IPO8: variants seen among roughly 807,000 people sequenced by gnomAD.
The protein encoded by IPO8 is importin 8.
Under a neutral mutation model 141.2 loss-of-function variants are expected in IPO8, and 65 were observed. That is an observed-to-expected ratio of 0.46 (90% CI 0.38 to 0.57). The LOEUF is 0.57. Among genes scored for constraint, IPO8 ranks in the 20% least tolerant of loss-of-function variants. The probability of loss-of-function intolerance (pLI) is 0.00; values close to 1 mark genes in which losing one functional copy is unlikely to be tolerated. For synonymous variants in IPO8, 411 were observed against 420.3 expected (o/e 0.98, Z 0.27); for missense variants, 980 against 1,246.8 (o/e 0.79, Z 3.22).
intron 10 of IPO8, 50 bp from the exon 11 acceptor site, chr12:30,666,301 T>C (rs2052964969): frequency 2.2e-6 from 3 of 1,356,632 alleles, no homozygotes; most frequent in Non-Finnish European, 3.1e-6. Context: ...TAATTACTTA[T>C]TCTAGATTTT....
chr12:30,644,902 C>G (rs889498222), intron 20 of IPO8, among the ~76,000 whole-genome samples: 16 of 151,764 alleles, frequency 1.1e-4, no homozygotes, highest in African/African-American at 3.9e-4. Flanking sequence ...ATCCACCCGC[C>G]TCAGCCTCCC....
intron 20 of IPO8, among the ~76,000 whole-genome samples, chr12:30,646,727 C>T (rs1012537286): frequency 1.3e-5 from 2 of 151,824 alleles, no homozygotes; most frequent in Admixed American, 6.6e-5. Flanking sequence ...TTTACAATAG[C>T]GTCAAAAAGA....
intron 22 of IPO8, among the ~76,000 whole-genome samples, chr12:30,636,090 A>G (rs772636398): frequency 6.6e-5 from 10 of 152,112 alleles, no homozygotes; most frequent in Non-Finnish European, 1.0e-4. Context: ...ACCTACACAG[A>G]TTTCAGAAAA....
At chr12:30,666,590 A>G (rs182108389) in intron 10 of IPO8, among the ~76,000 whole-genome samples, 5 of 152,308 alleles carry the variant, frequency 3.3e-5, no homozygotes, top group Admixed American at 3.3e-4. Context: ...GCCAGGTACC[A>G]TTCTAGACCC....
intron 1 of IPO8, among the ~76,000 whole-genome samples, chr12:30,692,274 G>T (rs2053297794): frequency 6.6e-6 from 1 of 152,154 alleles, no homozygotes; most frequent in African/African-American, 2.4e-5. Flanking sequence ...ACCTATTGCA[G>T]AGACTTTTAT....
intron 8 of IPO8, among the ~76,000 whole-genome samples, chr12:30,673,474 A>T (rs537664843): frequency 2.6e-5 from 4 of 152,176 alleles, no homozygotes; most frequent in Non-Finnish European, 5.9e-5. Flanking sequence ...ACATTATGTC[A>T]ACTTGGATTG....
rs146272052 is a variant in IPO8, at chr12:30,691,475, C to G, written c.85-898G>C. ...CTGCTCCTGAGTTTGGCGATGGGGA[C>G]CTTCAAAGCAAAAAAATACAGAGCA... On this transcript the variant is annotated intron_variant, in intron 1 of 24. Transcript: ENST00000256079. Among the ~76,000 whole-genome samples, 523 of 152,256 alleles carry G rather than the reference C, an allele frequency of 3.4e-3. 7 individuals are homozygous for G. Among genetic ancestry groups the G allele is most frequent in the Middle Eastern group, 0.017 (5 of 294 alleles).
chr12:30,695,538 AG>A lies in IPO8; in HGVS notation c.84+25del. 7 of 1,602,520 alleles carry A rather than the reference AG, an allele frequency of 4.4e-6. No individual in the cohort carries two copies. Among genetic ancestry groups the A allele is most frequent in the Non-Finnish European group, 6.0e-6 (7 of 1,170,390 alleles). ...GGCAGGGGCGCCCCTTCGGCGGAAGAGGGTCGCCGAAGACCCTCTCCTCACC... is the reference window on the plus strand; with the variant it reads ...GGCAGGGGCGCCCCTTCGGCGGAAGAGGTCGCCGAAGACCCTCTCCTCACC... On this transcript the variant is annotated intron_variant, in intron 1 of 24. Transcript: ENST00000256079. The surrounding 1 kb of genome is among the most constrained non-coding windows in gnomAD (Gnocchi z 4.2).
At position 30,630,678 on chromosome 12, in the gene IPO8, A is replaced by G. The variant is rs1419890863; in HGVS notation, c.*182T>C. 3.6e-6 allele frequency: 2 copies of G among 561,426 alleles called. No homozygotes were observed. Among genetic ancestry groups the G allele is most frequent in the East Asian group, 3.0e-5 (1 of 33,826 alleles). 34.8% of individuals were successfully genotyped at this position (561,426 alleles called of 1,614,324 possible). A position where few individuals can be genotyped will look rare whatever the true frequency, so the allele number is the denominator to read the frequency against. On this transcript the variant is annotated 3_prime_UTR_variant, in exon 25 of 25. Coordinates refer to ENST00000256079, the MANE Select transcript of IPO8 (RefSeq NM_006390.4). The stretch of plus-strand genomic sequence containing the variant: ...TACTTACAGTAGCTGTTTAAAATAT[A>G]TATTTCAGGGTGACAAAGGTCAAAG...
intron 2 of IPO8, among the ~76,000 whole-genome samples, chr12:30,689,558 A>G (rs1190963687): frequency 1.3e-5 from 2 of 152,234 alleles, no homozygotes; most frequent in African/African-American, 4.8e-5. Flanking sequence ...ATATAGTGTT[A>G]TAAATCTTCC....
chr12:30,656,659 CT>C, intron 17 of IPO8, 24 bp downstream of exon 17: 1 of 1,424,550 alleles, frequency 7.0e-7, no homozygotes, highest in Non-Finnish European at 9.6e-7. Context: ...TTCAATTTAT[CT>C]TTTTATTTAA....
intron 13 of IPO8, among the ~76,000 whole-genome samples, chr12:30,664,604 T>A (rs1406279337): frequency 1.3e-5 from 2 of 152,234 alleles, no homozygotes; most frequent in African/African-American, 4.8e-5. Context: ...TGTCATTTTA[T>A]ACACAAAATA....
rs781119304 is a variant in IPO8 at position 30,674,770 on chromosome 12, A to G, written c.730-17T>C. On this transcript the variant is annotated splice_polypyrimidine_tract_variant and intron_variant, in intron 6 of 24. Coordinates refer to ENST00000256079, the MANE Select transcript of IPO8 (RefSeq NM_006390.4). ...CAGAGTCTCCTAACAGGACAAAATT[A>G]CCCAGATTAAAGTTCTGCATAATAA... The G allele has an allele frequency of 1.3e-6, 2 of 1,524,968 alleles. No homozygotes were observed. Among genetic ancestry groups the G allele is most frequent in the South Asian group, 1.1e-5 (1 of 89,236 alleles). The allele number at this position is 1,524,968 out of a possible 1,614,324, so 94.5% of individuals were successfully genotyped here. A position where few individuals can be genotyped will look rare whatever the true frequency, so the allele number is the denominator to read the frequency against.
intron 23 of IPO8, among the ~76,000 whole-genome samples, chr12:30,632,319 C>T (rs536079381): frequency 1.3e-5 from 2 of 152,322 alleles, no homozygotes; most frequent in Admixed American, 6.5e-5. Flanking sequence ...CCAGTACTCA[C>T]TTGTTACCAT....
chr12:30,671,411 A>C (rs1009674382), intron 8 of IPO8, among the ~76,000 whole-genome samples: 3 of 152,196 alleles, frequency 2.0e-5, no homozygotes, highest in African/African-American at 7.2e-5. Context: ...CGGTGGCTCA[A>C]GCCTGTAATC....
chr12:30,676,897 C>A lies in IPO8; in HGVS notation c.640-310G>T, dbSNP rs1323607675. ...AAGTGAGTGATTTTTATGACTTACC[C>A]CTTTGAGGGTCAAACTTTCCATTTT... On this transcript the variant is annotated intron_variant, in intron 5 of 24. Coordinates refer to ENST00000256079, the MANE Select transcript of IPO8 (RefSeq NM_006390.4). The A allele has an allele frequency of 8.6e-6, 13 of 1,510,576 alleles. No individual in the cohort carries two copies. The East Asian group carries it at 3.2e-4, about 37-fold the overall frequency. 93.6% of individuals were successfully genotyped at this position (1,510,576 alleles called of 1,614,324 possible).
chr12:30,650,552 G>A (rs1226419739), intron 19 of IPO8, among the ~76,000 whole-genome samples: 2 of 152,054 alleles, frequency 1.3e-5, no homozygotes, highest in East Asian at 1.9e-4. Flanking sequence ...GGTTCAAACC[G>A]CAGCTCTTCC....
chr12:30,694,247 G>A (rs2053317216), intron 1 of IPO8, among the ~76,000 whole-genome samples: 1 of 152,158 alleles, frequency 6.6e-6, no homozygotes, highest in African/African-American at 2.4e-5. Context: ...TGCAAAGCCT[G>A]GGACAGGTAC....
chr12:30,663,040 T>G (rs1368648691), intron 14 of IPO8, among the ~76,000 whole-genome samples: 1 of 152,054 alleles, frequency 6.6e-6, no homozygotes, highest in African/African-American at 2.4e-5. Context: ...ACTGAACAAA[T>G]GAGACGTCTG....
Sources: gnomAD v4.1 joint callset for allele counts (sites outside exome capture counted in the v4.1 genomes callset) on GRCh38, gnomAD v4.1.1 for gene constraint, Gnocchi (gnomAD v3.1) non-coding constraint, MANE v1.5 for transcripts, NCBI Gene and HGNC (gene_info 2026-07-23, HGNC 2026-07-21) for gene names.